RAB4B: variants seen among roughly 807,000 people sequenced by gnomAD.
The protein encoded by RAB4B is ras-related protein Rab-4B.
Under a neutral mutation model 28.3 loss-of-function variants are expected in RAB4B, and 15 were observed. That is an observed-to-expected ratio of 0.53 (90% CI 0.35 to 0.82). The LOEUF is 0.82. Among genes scored for constraint, RAB4B ranks in the 40% least tolerant of loss-of-function variants. RAB4B has a pLI of 0.01. For missense variants in RAB4B, 244 were observed against 288.5 expected (o/e 0.85, Z 1.12); for synonymous variants, 108 against 116.3 (o/e 0.93, Z 0.46).
chr19:40,783,710 C>T lies in RAB4B; in HGVS notation c.213-68C>T, dbSNP rs1236309210. 4.2e-5 allele frequency: 61 copies of T among 1,459,876 alleles called. 1 individual carries two copies. In the East Asian group the frequency reaches 1.4e-3, roughly 35 times the overall value. 90.4% of individuals were successfully genotyped at this position (1,459,876 alleles called of 1,614,324 possible). ...GGGCCTCCGAACCACCAGTCTGTCT[C>T]TGTAGAGGGGGGCATTCTCGGGGCA... On this transcript the variant is annotated intron_variant, in intron 3 of 7. Coordinates refer to ENST00000357052, the MANE Select transcript of RAB4B (RefSeq NM_016154.5).
chr19:40,781,938 ATG>A (rs776225128), intron 3 of RAB4B, among the ~76,000 whole-genome samples: 178 of 150,620 alleles, frequency 1.2e-3, no homozygotes, highest in Non-Finnish European at 2.3e-3. Context: ...GGAGAATGGC[ATG>A]AACCCAGAAG....
intron 7 of RAB4B, chr19:40,794,663 A>G (rs1373051085): frequency 6.6e-6 from 1 of 152,134 alleles, no homozygotes. Context: ...ACACATTAGA[A>G]TGACCTGGAG....
intron 3 of RAB4B, among the ~76,000 whole-genome samples, chr19:40,782,205 G>T (rs1446579400): frequency 6.6e-6 from 1 of 152,106 alleles, no homozygotes; most frequent in African/African-American, 2.4e-5. Flanking sequence ...GGGGCTGAAG[G>T]ATAGACAGGT....
Position 40,786,689 on chromosome 19 carries a change from C to T in RAB4B, c.455C>T (p.Ala152Val), listed in dbSNP as rs1175065668. 1.2e-6 allele frequency: 2 copies of T among 1,613,976 alleles called. No individual in the cohort carries two copies. Among genetic ancestry groups the T allele is most frequent in the Non-Finnish European group, 1.7e-6 (2 of 1,179,992 alleles). The change falls in exon 6 of 8, where the codon GCT becomes GTT. Residue 152 changes from alanine to valine, a missense_variant. Coordinates refer to ENST00000357052, the MANE Select transcript of RAB4B (RefSeq NM_016154.5). ...ENELMFLETSALTGENVEEAF... is the reference protein window; with the variant it reads ...ENELMFLETSVLTGENVEEAF... The stretch of plus-strand genomic sequence containing the variant: ...GAGCTGATGTTCCTGGAGACCAGCG[C>T]TCTCACAGGCGAGAACGTGGAGGAG...
At chr19:40,778,416 G>T (rs1217795713) in intron 1 of RAB4B, 25 bp downstream of exon 1, 6 of 1,450,244 alleles carry the variant, frequency 4.1e-6, no homozygotes, top group Admixed American at 3.0e-5. Context: ...CGAAGCTGGG[G>T]TCCTGGGTCT....
intron 4 of RAB4B, 31 bp from the exon 5 acceptor site, chr19:40,783,890 A>G: frequency 6.3e-7 from 1 of 1,588,880 alleles, no homozygotes; most frequent in Non-Finnish European, 8.6e-7. Flanking sequence ...CCTCTCCTGC[A>G]CTGCCTCCCT....
intron 7 of RAB4B, among the ~76,000 whole-genome samples, chr19:40,793,972 A>G (rs1599752126): frequency 1.3e-5 from 2 of 150,064 alleles, no homozygotes; most frequent in African/African-American, 4.9e-5. Flanking sequence ...AAACAAAAAA[A>G]CTCCTGGCCT....
chr19:40,778,366 C>A lies in RAB4B; in HGVS notation c.-10C>A. ...GCCATATTGCGGCCCTCAGCGGCCGCGACCGAGTCATGGCTGAGACCTACG... is the reference window on the plus strand; with the variant it reads ...GCCATATTGCGGCCCTCAGCGGCCGAGACCGAGTCATGGCTGAGACCTACG... On this transcript the variant is annotated 5_prime_UTR_variant, in exon 1 of 8. Coordinates refer to ENST00000357052, the MANE Select transcript of RAB4B (RefSeq NM_016154.5). The A allele has an allele frequency of 6.7e-7, 1 of 1,482,908 alleles. No homozygotes were observed. The highest frequency in any genetic ancestry group is 8.9e-7 in the Non-Finnish European group (1 of 1,124,800). The allele number at this position is 1,482,908 out of a possible 1,614,324, so 91.9% of individuals were successfully genotyped here. A position where few individuals can be genotyped will look rare whatever the true frequency, so the allele number is the denominator to read the frequency against.
At chr19:40,782,045 G>A (rs941300497) in intron 3 of RAB4B, among the ~76,000 whole-genome samples, 33 of 147,884 alleles carry the variant, frequency 2.2e-4, no homozygotes, top group Middle Eastern at 7.0e-3. Flanking sequence ...AAAAACCTTA[G>A]GAGAGTCGGA....
chr19:40,786,734 G>T lies in RAB4B; in HGVS notation c.500G>T (p.Arg167Leu). The T allele has an allele frequency of 6.2e-7, 1 of 1,614,082 alleles. No homozygotes were observed. The highest frequency in any genetic ancestry group is 8.5e-7 in the Non-Finnish European group (1 of 1,179,982). Reference protein sequence around the residue: ...NVEEAFLKCARTILNKIDSGE... With the variant: ...NVEEAFLKCALTILNKIDSGE... ...GAGGAGGCGTTCCTCAAGTGTGCCCGCACTATCCTCAACAAGATTGACTCA... is the reference window on the plus strand; with the variant it reads ...GAGGAGGCGTTCCTCAAGTGTGCCCTCACTATCCTCAACAAGATTGACTCA... Residue 167 changes from arginine (R) to leucine (L), a missense_variant, in exon 6 of 8, where the codon CGC becomes CTC. Arg to Leu is a moderately radical substitution (Grantham distance 102, BLOSUM62 -2). Transcript: ENST00000357052.
intron 7 of RAB4B, among the ~76,000 whole-genome samples, chr19:40,790,279 G>A (rs1224463783): frequency 6.6e-6 from 1 of 152,072 alleles, no homozygotes; most frequent in African/African-American, 2.4e-5. Context: ...CAAGGGGGCG[G>A]GAAGAGGAGT....
At chr19:40,779,785 A>T in intron 1 of RAB4B, 1 of 1,087,964 alleles carries the variant, frequency 9.2e-7, no homozygotes, top group Non-Finnish European at 1.2e-6. Flanking sequence ...CTGCACATGT[A>T]CTCCCTGAAT....
At chr19:40,778,439 G>C (rs1264400700) in intron 1 of RAB4B, 48 bp downstream of exon 1, 3 of 1,410,006 alleles carry the variant, frequency 2.1e-6, no homozygotes, top group Non-Finnish European at 2.8e-6. Flanking sequence ...GCCCAGGGAG[G>C]ATGCGGCCTG....
At chr19:40,794,201 A>G (rs969410532) in intron 7 of RAB4B, among the ~76,000 whole-genome samples, 23 of 151,848 alleles carry the variant, frequency 1.5e-4, no homozygotes, top group Non-Finnish European at 3.2e-4. Context: ...CAGCCTCCCT[A>G]GTAGCTGGGA....
Position 40,778,277 on chromosome 19 carries a change from G to A in RAB4B, c.-99G>A, listed in dbSNP as rs1224727159. ...TGGCGGTGCCGGGCCCGGGGAGTAGGAAGGAGCCGGGGCTGTAGCCGGAGT... is the reference window on the plus strand; with the variant it reads ...TGGCGGTGCCGGGCCCGGGGAGTAGAAAGGAGCCGGGGCTGTAGCCGGAGT... On this transcript the variant is annotated 5_prime_UTR_variant, in exon 1 of 8. Transcript: ENST00000357052. 5 of 1,229,196 alleles carry A rather than the reference G, an allele frequency of 4.1e-6. No individual in the cohort carries two copies. The highest frequency in any genetic ancestry group is 5.5e-6 in the Non-Finnish European group (5 of 910,462). The allele number at this position is 1,229,196 out of a possible 1,614,324, so 76.1% of individuals were successfully genotyped here. A position where few individuals can be genotyped will look rare whatever the true frequency, so the allele number is the denominator to read the frequency against.
chr19:40,793,068 C>A (rs868621115), intron 7 of RAB4B, among the ~76,000 whole-genome samples: 1 of 151,534 alleles, frequency 6.6e-6, no homozygotes, highest in Non-Finnish European at 1.5e-5. Context: ...TGAGCCACTG[C>A]GCCCGGCCTC....
chr19:40,788,417 G>A (rs896631206), intron 7 of RAB4B, among the ~76,000 whole-genome samples: 32 of 149,668 alleles, frequency 2.1e-4, no homozygotes, highest in Admixed American at 1.0e-3. Context: ...CCAGGTGTTC[G>A]AGGCTGCAGT....
Position 40,796,676 on chromosome 19 carries a change from C to G in RAB4B, c.*122C>G, listed in dbSNP as rs969876925. The stretch of plus-strand genomic sequence containing the variant: ...GAGAAGCTACGTTGCCACCTGTCCC[C>G]CTTCCCTGGCCTGGTGGGGCCTGGC... On this transcript the variant is annotated 3_prime_UTR_variant, in exon 8 of 8. Coordinates refer to ENST00000357052, the MANE Select transcript of RAB4B (RefSeq NM_016154.5). The G allele has an allele frequency of 2.0e-5, 3 of 153,014 alleles. No individual in the cohort carries two copies. Among genetic ancestry groups the G allele is most frequent in the African/African-American group, 7.2e-5 (3 of 41,462 alleles). The allele number at this position is 153,014 out of a possible 1,614,324, so 9.5% of individuals were successfully genotyped here. A position where few individuals can be genotyped will look rare whatever the true frequency, so the allele number is the denominator to read the frequency against.
intron 3 of RAB4B, among the ~76,000 whole-genome samples, chr19:40,781,263 G>A (rs2083044525): frequency 6.7e-6 from 1 of 150,024 alleles, no homozygotes; most frequent in African/African-American, 2.5e-5. Flanking sequence ...CCCCAGCCGG[G>A]GTGACAGAGC....
Sources: gnomAD v4.1 joint callset for allele counts (sites outside exome capture counted in the v4.1 genomes callset) on GRCh38, gnomAD v4.1.1 for gene constraint, MANE v1.5 for transcripts, NCBI Gene and HGNC (gene_info 2026-07-23, HGNC 2026-07-21) for gene names.